SVOPL: variants seen among roughly 807,000 people sequenced by gnomAD.
SVOPL encodes putative transporter SVOPL.
In SVOPL, 60 loss-of-function variants were observed where a neutral mutation model predicts 61.0. The observed-to-expected ratio is 0.98, with a 90% CI of 0.80 to 1.22. The LOEUF (loss-of-function observed/expected upper bound fraction) is 1.22. Ranked by LOEUF, SVOPL falls within the 50% of genes most tolerant of loss-of-function variation. SVOPL has a pLI of 0.00. For missense variants in SVOPL, 662 were observed against 643.9 expected (o/e 1.03, Z -0.30); for synonymous variants, 279 against 250.0 (o/e 1.12, Z -1.09).
At chr7:138,637,923 G>A (rs1176939215) in intron 9 of SVOPL, among the ~76,000 whole-genome samples, 1 of 152,106 alleles carries the variant, frequency 6.6e-6, no homozygotes, top group Non-Finnish European at 1.5e-5. Flanking sequence ...CTGCACTCCA[G>A]CCTGGCCAAG....
chr7:138,676,100 T>G (rs1802552917), intron 3 of SVOPL, among the ~76,000 whole-genome samples: 1 of 152,238 alleles, frequency 6.6e-6, no homozygotes, highest in South Asian at 2.1e-4. Flanking sequence ...CCTCCCAGTG[T>G]GCTGGGATGA....
chr7:138,691,076 G>A (rs1384203755), intron 1 of SVOPL, among the ~76,000 whole-genome samples: 1 of 151,944 alleles, frequency 6.6e-6, no homozygotes, highest in Non-Finnish European at 1.5e-5. Flanking sequence ...CACCCAGCCT[G>A]AATTGCACTC....
chr7:138,695,619 TG>T (rs1281738021), intron 1 of SVOPL, among the ~76,000 whole-genome samples: 2 of 151,994 alleles, frequency 1.3e-5, no homozygotes, highest in Non-Finnish European at 2.9e-5. Context: ...TCTTGAGACC[TG>T]GGGGGGCTTC....
chr7:138,617,935 T>C (rs1799371950), intron 14 of SVOPL, among the ~76,000 whole-genome samples: 1 of 152,144 alleles, frequency 6.6e-6, no homozygotes, highest in Non-Finnish European at 1.5e-5. Flanking sequence ...ACCCTAGTAA[T>C]TCTGAGAAGC....
Position 138,697,710 on chromosome 7 carries a change from AGAAGAG to A in SVOPL, c.-35+3462_-35+3467del, listed in dbSNP as rs774070084. Among the ~76,000 whole-genome samples, 461 of 140,190 alleles carry A rather than the reference AGAAGAG, an allele frequency of 3.3e-3. 1 individual carries two copies. Among genetic ancestry groups the A allele is most frequent in the African/African-American group, 7.6e-3 (301 of 39,742 alleles). The allele number at this position is 140,190 out of a possible 152,430, so 92.0% of individuals were successfully genotyped here. A position where few individuals can be genotyped will look rare whatever the true frequency, so the allele number is the denominator to read the frequency against. On this transcript the variant is annotated intron_variant, in intron 1 of 15. Coordinates refer to ENST00000674285, the MANE Select transcript of SVOPL (RefSeq NM_001139456.2). The stretch of plus-strand genomic sequence containing the variant: ...AGGAAGAAGAAGAGGAAGAAGGATA[AGAAGAG>A]GAAGAGGAAGAGGAGAAGGAAGAAA...
intron 3 of SVOPL, 26 bp downstream of exon 3, chr7:138,678,408 C>T (rs1355222761): frequency 1.3e-5 from 20 of 1,543,178 alleles, no homozygotes; most frequent in Non-Finnish European, 1.7e-5. Context: ...TGACACTTTT[C>T]GTCAACATCT....
In SVOPL at chr7:138,678,432, AC is replaced by A. The variant is rs1233881259; in HGVS notation, c.174+1del. 2.6e-6 allele frequency: 4 copies of A among 1,549,146 alleles called. No homozygotes were observed. The highest frequency in any genetic ancestry group is 3.5e-6 in the Non-Finnish European group (4 of 1,146,228). ...TCGTCAACATCTCGAAGGAGCACTC[AC>A]CCCAGTACTGCCCATGATCAGAAAG... is the stretch of plus-strand genomic sequence containing the variant. On this transcript the variant is annotated splice_donor_variant, in intron 3 of 15. Transcript: ENST00000674285. LOFTEE classifies it high-confidence loss of function.
rs1554469446 is a variant in SVOPL, at chr7:138,654,502, T to TTTTC, written c.534+1945_534+1946insGAAA. 4.6e-3 allele frequency among the ~76,000 whole-genome samples: 663 copies of TTTTC among 145,680 alleles called. 5 individuals are homozygous for TTTTC. The highest frequency in any genetic ancestry group is 0.016 in the African/African-American group (617 of 39,048). On this transcript the variant is annotated intron_variant, in intron 7 of 15. Transcript: ENST00000674285. ...TTACAGCATGGTTTACTGAGTTTGTTTTTTTTTTTTTTTTTGAGACGGAGT... is the reference window on the plus strand; with the variant it reads ...TTACAGCATGGTTTACTGAGTTTGTTTTTCTTTTTTTTTTTTTTTGAGACGGAGT...
intron 14 of SVOPL, among the ~76,000 whole-genome samples, chr7:138,605,535 G>A (rs779368052): frequency 6.7e-5 from 10 of 150,036 alleles, no homozygotes; most frequent in Non-Finnish European, 1.0e-4. Flanking sequence ...GGTGGCAGGC[G>A]CCTATAATCC....
chr7:138,690,488 TTGCTGCA>T (rs1368418681), intron 1 of SVOPL, among the ~76,000 whole-genome samples: 1 of 152,240 alleles, frequency 6.6e-6, no homozygotes, highest in Non-Finnish European at 1.5e-5. Flanking sequence ...GTTCTGATAC[TTGCTGCA>T]TGATGAATGA....
intron 4 of SVOPL, among the ~76,000 whole-genome samples, chr7:138,667,351 T>C (rs1244158920): frequency 1.3e-5 from 2 of 152,184 alleles, no homozygotes; most frequent in Non-Finnish European, 1.5e-5. Flanking sequence ...ATGTCCATTG[T>C]AACTTAGGTT....
At chr7:138,686,837 T>C (rs1802828802) in intron 1 of SVOPL, among the ~76,000 whole-genome samples, 1 of 152,286 alleles carries the variant, frequency 6.6e-6, no homozygotes, top group East Asian at 1.9e-4. Context: ...GTGCTGGGAT[T>C]ACAGGCATGA....
At chr7:138,607,528 G>T (rs1786638788) in intron 14 of SVOPL, among the ~76,000 whole-genome samples, 1 of 152,114 alleles carries the variant, frequency 6.6e-6, no homozygotes, top group African/African-American at 2.4e-5. Context: ...CTTAACGCAG[G>T]TCAAAGGTCA....
chr7:138,672,285 G>T (rs1802442227), intron 3 of SVOPL, among the ~76,000 whole-genome samples, 168 bp from the exon 4 acceptor site: 4 of 152,206 alleles, frequency 2.6e-5, no homozygotes, highest in Admixed American at 6.5e-5. Context: ...AGGAACTATA[G>T]AACTTCAGCC....
intron 9 of SVOPL, among the ~76,000 whole-genome samples, chr7:138,641,866 AGTG>A (rs1800819508): frequency 7.7e-6 from 1 of 130,026 alleles, no homozygotes; most frequent in Non-Finnish European, 1.6e-5. Context: ...ATAGTCAATG[AGTG>A]TGTATGTATA....
At chr7:138,608,146 T>C (rs1311256409) in intron 14 of SVOPL, among the ~76,000 whole-genome samples, 1 of 152,218 alleles carries the variant, frequency 6.6e-6, no homozygotes, top group Non-Finnish European at 1.5e-5. Flanking sequence ...ACAAACCTTG[T>C]TCTTGGATAC....
intron 9 of SVOPL, among the ~76,000 whole-genome samples, chr7:138,636,537 C>G (rs1441050513): frequency 6.8e-6 from 1 of 147,452 alleles, no homozygotes; most frequent in Non-Finnish European, 1.5e-5. Flanking sequence ...GTGGTGTGAT[C>G]TTGGCTCACT....
intron 1 of SVOPL, among the ~76,000 whole-genome samples, chr7:138,690,487 C>G (rs1018011326): frequency 6.6e-6 from 1 of 152,216 alleles, no homozygotes; most frequent in Non-Finnish European, 1.5e-5. Flanking sequence ...AGTTCTGATA[C>G]TTGCTGCATG....
At chr7:138,676,927 GAA>G (rs1321970461) in intron 3 of SVOPL, among the ~76,000 whole-genome samples, 2 of 93,990 alleles carry the variant, frequency 2.1e-5, no homozygotes, top group Non-Finnish European at 3.9e-5. Context: ...TTTTTGAGAT[GAA>G]GTCTCGCTCT....
Sources: allele counts gnomAD v4.1 joint callset (sites outside exome capture counted in the v4.1 genomes callset), GRCh38; gene constraint gnomAD v4.1.1; transcripts MANE v1.5; gene names NCBI Gene and HGNC (gene_info 2026-07-23, HGNC 2026-07-21).